The following PDE4C variants were observed in gnomAD, a reference collection of about 807,000 sequenced individuals.
The protein encoded by PDE4C is 3',5'-cyclic-AMP phosphodiesterase 4C.
Under a neutral mutation model 63.9 loss-of-function variants are expected in PDE4C, and 50 were observed. The observed-to-expected ratio is 0.78, with a 90% CI of 0.62 to 0.99. The LOEUF (loss-of-function observed/expected upper bound fraction) is 0.99. Among genes scored for constraint, PDE4C ranks in the 50% least tolerant of loss-of-function variants. The pLI, the probability that PDE4C is intolerant of heterozygous loss-of-function variation, is 0.00. For missense variants in PDE4C, 777 were observed against 899.1 expected (o/e 0.86, Z 1.74); for synonymous variants, 377 against 385.1 (o/e 0.98, Z 0.25).
chr19:18,224,957 G>C (rs1245951857), intron 1 of PDE4C, among the ~76,000 whole-genome samples: 2 of 152,240 alleles, frequency 1.3e-5, no homozygotes, highest in African/African-American at 4.8e-5. Flanking sequence ...TCTCCCCAAG[G>C]GTTCCAGAAA....
chr19:18,243,118 T>G (rs569837832), intron 1 of PDE4C, among the ~76,000 whole-genome samples: 2 of 152,072 alleles, frequency 1.3e-5, no homozygotes, highest in Non-Finnish European at 2.9e-5. Context: ...GACTTTTTTT[T>G]TCTTTCGAGA....
upstream of PDE4C, among the ~76,000 whole-genome samples, chr19:18,229,102 A>ATTT (rs56379821): frequency 0.023 from 2,921 of 124,378 alleles, 54 homozygotes; most frequent in African/African-American, 0.027. Context: ...TGCCAAGCTA[A>ATTT]TTTTTTTTTT....
At chr19:18,216,933 C>T (rs375529588) in intron 11 of PDE4C, 38 bp from the exon 12 acceptor site, 9 of 1,558,442 alleles carry the variant, frequency 5.8e-6, no homozygotes, top group Middle Eastern at 1.7e-4. Flanking sequence ...AAGATCCACC[C>T]GCCCCACCCA....
chr19:18,250,441 G>A, upstream of PDE4C: 1 of 399,136 alleles, frequency 2.5e-6, no homozygotes, highest in Non-Finnish European at 4.4e-6. Context: ...TCGGGTTCCT[G>A]TGTAACTCAC....
Position 18,233,121 on chromosome 19 carries a change from C to A in PDE4C, c.71G>T (p.Ser24Ile). Residue 24 changes from serine to isoleucine, a missense_variant, in exon 1 of 15, where the codon AGC becomes ATC. By Grantham distance (142) the Ser-to-Ile change is moderately radical. Transcript: ENST00000594465. The stretch of plus-strand genomic sequence containing the variant: ...CAGGTGCTTCGGGGCTCTGGTCATG[C>A]TGTGGCGGCCGCGAGAGCGACTCAA... 1 of 1,560,992 alleles carries A rather than the reference C, an allele frequency of 6.4e-7. No homozygotes were observed. The highest frequency in any genetic ancestry group is 2.4e-5 in the East Asian group (1 of 41,858).
intron 2 of PDE4C, 57 bp downstream of exon 2, chr19:18,222,075 G>A (rs1968505205): frequency 6.8e-7 from 1 of 1,462,780 alleles, no homozygotes; most frequent in Middle Eastern, 1.8e-4. Context: ...GCTGAATAGA[G>A]GAACAAAGGA....
intron 1 of PDE4C, chr19:18,232,912 C>G: frequency 2.1e-6 from 3 of 1,423,746 alleles, no homozygotes; most frequent in Non-Finnish European, 1.8e-6. Flanking sequence ...GCGCGCCCCT[C>G]CCCCGCGCTG....
At chr19:18,249,272 C>A (rs1214285274), upstream of PDE4C, among the ~76,000 whole-genome samples, 1 of 151,972 alleles carries the variant, frequency 6.6e-6, no homozygotes, top group Admixed American at 6.6e-5. Flanking sequence ...CCCGGCACCC[C>A]CAGTTTTGTT....
chr19:18,219,024 G>A (rs1164344868), exon 9 of PDE4C: 1 of 1,613,048 alleles, frequency 6.2e-7, no homozygotes, highest in African/African-American at 1.3e-5. Context: ...CCCACTTGTT[G>A]GTGTCTTCTA....
intron 1 of PDE4C, chr19:18,224,305 C>G (rs983241007): frequency 1.0e-6 from 1 of 985,482 alleles, no homozygotes; most frequent in Non-Finnish European, 1.2e-6. Flanking sequence ...CCGCCTGAGA[C>G]TCGGAGCTCC....
At chr19:18,226,599 C>G, upstream of PDE4C, 1 of 368,710 alleles carries the variant, frequency 2.7e-6, no homozygotes, top group Non-Finnish European at 4.7e-6. Context: ...ACGCAACTCT[C>G]TGCTCCTTTT....
In PDE4C at chr19:18,220,184, A is replaced by T; in HGVS notation, c.706+42T>A. Reference sequence around the variant, plus strand: ...AGGAATCTTTCTTTTGTTTCTTAGTACTCCTAAAATGTCGTCCAGGCAGTG... The same window carrying T: ...AGGAATCTTTCTTTTGTTTCTTAGTTCTCCTAAAATGTCGTCCAGGCAGTG... On this transcript the variant is annotated intron_variant, in intron 7 of 14. Coordinates refer to ENST00000262805, the Ensembl canonical transcript of PDE4C. This position sits in a 1 kb window ranked among gnomAD's most constrained non-coding sequence, Gnocchi z 5.1. The T allele has an allele frequency of 6.9e-7, 1 of 1,450,308 alleles. No individual in the cohort carries two copies. The highest frequency in any genetic ancestry group is 9.7e-7 in the Non-Finnish European group (1 of 1,032,114). The allele number at this position is 1,450,308 out of a possible 1,614,324, so 89.8% of individuals were successfully genotyped here.
chr19:18,228,383 C>A (rs1968785299), upstream of PDE4C, among the ~76,000 whole-genome samples: 1 of 152,130 alleles, frequency 6.6e-6, no homozygotes, highest in Admixed American at 6.6e-5. Flanking sequence ...TCAGACGAAA[C>A]CTACAAAGTG....
upstream of PDE4C, chr19:18,251,935 T>TG (rs764095625): frequency 2.0e-4 from 78 of 396,630 alleles, no homozygotes; most frequent in Non-Finnish European, 3.0e-4. Context: ...CTTTAGACAA[T>TG]GGAGCAGAGA....
chr19:18,254,854 A>G, the PDE4C span, among the ~76,000 whole-genome samples: 4 of 152,220 alleles, frequency 2.6e-5, no homozygotes, highest in Non-Finnish European at 4.4e-5. Context: ...CCAGGAAGTG[A>G]GTCCCTGTTC....
At chr19:18,223,190 G>T (rs902891745) in intron 1 of PDE4C, among the ~76,000 whole-genome samples, 1 of 148,418 alleles carries the variant, frequency 6.7e-6, no homozygotes, top group Non-Finnish European at 1.5e-5. Context: ...TTACAGGTGC[G>T]CACCACCACG....
chr19:18,224,353 C>G (rs1968632752), intron 1 of PDE4C: 1 of 985,494 alleles, frequency 1.0e-6, no homozygotes, highest in Non-Finnish European at 1.2e-6. Context: ...CCGGCCAAGA[C>G]TTTTGGGTCA....
chr19:18,218,596 C>CATAGAT, intron 9 of PDE4C, 98 bp from the exon 10 acceptor site: 1 of 1,350,420 alleles, frequency 7.4e-7, no homozygotes, highest in Non-Finnish European at 1.0e-6. Flanking sequence ...ATGCCTCAAG[C>CATAGAT]ACCTGCTCCT....
chr19:18,244,389 G>A (rs1600105146), intron 1 of PDE4C, among the ~76,000 whole-genome samples: 1 of 151,832 alleles, frequency 6.6e-6, no homozygotes, highest in African/African-American at 2.4e-5. Context: ...CGGCCCCCTG[G>A]GATAAAGCAA....
Sources: gnomAD v4.1 joint callset for allele counts (sites outside exome capture counted in the v4.1 genomes callset) on GRCh38, gnomAD v4.1.1 for gene constraint, Gnocchi (gnomAD v3.1) non-coding constraint, MANE v1.5 for transcripts, NCBI Gene and HGNC (gene_info 2026-07-23, HGNC 2026-07-21) for gene names.